RTF2: variants seen among roughly 807,000 people sequenced by gnomAD.
RTF2 encodes replication termination factor 2.
A neutral mutation model predicts 38.0 loss-of-function variants in RTF2; 18 were observed. That is an observed-to-expected ratio of 0.47 (90% confidence interval 0.33 to 0.70). RTF2 has a LOEUF of 0.70. RTF2 is among the 30% of genes least tolerant of loss of function. The probability of loss-of-function intolerance (pLI) is 0.02; values close to 1 mark genes in which losing one functional copy is unlikely to be tolerated. For synonymous variants in RTF2, 126 were observed against 137.1 expected, an observed-to-expected ratio of 0.92 and a Z score of 0.57; for missense variants, 311 against 379.6, an observed-to-expected ratio of 0.82 and a Z score of 1.50.
intron 1 of RTF2, chr20:56,470,836 C>T (rs1981923463): frequency 8.4e-6 from 3 of 357,370 alleles, no homozygotes; most frequent in Non-Finnish European, 1.7e-5. Context: ...GGAGAGTTAC[C>T]CCAACTCCAT....
In RTF2 at chr20:56,477,175, C is replaced by G. The variant is rs535475757; in HGVS notation, c.398+51C>G. The G allele has an allele frequency of 2.5e-6, 4 of 1,598,578 alleles. No individual in the cohort carries two copies. In the African/African-American group the frequency reaches 4.1e-5, roughly 16 times the overall value. ...ATGTGGGAGGCTGGAGGAATACTGCCGGTTTTGGTGGCAGTGGTGCCGGAG... is the reference window on the plus strand; with the variant it reads ...ATGTGGGAGGCTGGAGGAATACTGCGGGTTTTGGTGGCAGTGGTGCCGGAG... On this transcript the variant is annotated intron_variant, in intron 4 of 8. Transcript: ENST00000357348.
intron 5 of RTF2, chr20:56,496,863 A>C (rs1834567163): frequency 6.4e-7 from 1 of 1,551,718 alleles, no homozygotes; most frequent in African/African-American, 1.4e-5. Flanking sequence ...AACGAATTCG[A>C]GATGACTTTG....
chr20:56,469,731 G>T (rs1236086229), intron 1 of RTF2, among the ~76,000 whole-genome samples: 3 of 152,158 alleles, frequency 2.0e-5, no homozygotes, highest in African/African-American at 7.2e-5. Context: ...ATCACATTAA[G>T]AATAAAATCT....
At chr20:56,506,921 C>T (rs1355197651) in intron 5 of RTF2, among the ~76,000 whole-genome samples, 1 of 152,082 alleles carries the variant, frequency 6.6e-6, no homozygotes, top group Non-Finnish European at 1.5e-5. Context: ...AGGATGGTCT[C>T]GATCTCTTGA....
chr20:56,514,188 A>G (rs922036720), intron 6 of RTF2: 2 of 152,218 alleles, frequency 1.3e-5, no homozygotes, highest in Admixed American at 6.5e-5. Flanking sequence ...CAGGGAAAGC[A>G]TTGCTGAGTA....
chr20:56,494,393 T>C (rs961669301), intron 5 of RTF2, among the ~76,000 whole-genome samples: 6 of 152,192 alleles, frequency 3.9e-5, no homozygotes, highest in Non-Finnish European at 7.4e-5. Context: ...TATGACTTCT[T>C]ATACCATGTG....
chr20:56,516,783 G>A (rs942901234), intron 6 of RTF2, 152 bp from the exon 7 acceptor site: 9 of 712,620 alleles, frequency 1.3e-5, no homozygotes, highest in East Asian at 2.5e-5. Context: ...TAGGAGTTAC[G>A]GAACATCAAA....
At chr20:56,502,373 ATTC>A (rs920813289) in intron 5 of RTF2, among the ~76,000 whole-genome samples, 1 of 152,086 alleles carries the variant, frequency 6.6e-6, no homozygotes, top group African/African-American at 2.4e-5. Flanking sequence ...TTTTCTTGTA[ATTC>A]TTCTACAGTC....
chr20:56,516,716 C>T, intron 6 of RTF2: 1 of 595,040 alleles, frequency 1.7e-6, no homozygotes, highest in South Asian at 2.1e-5. Context: ...TGTGCAGATA[C>T]ATTTTTGTGT....
At position 56,517,171 on chromosome 20, in the gene RTF2, A is replaced by G. The variant is rs1471555429; in HGVS notation, c.712A>G (p.Lys238Glu). The change falls in exon 8 of 9, where the codon AAG (lysine) becomes GAG (glutamate). Residue 238 changes from lysine to glutamate, a missense_variant. Lys to Glu is a moderately conservative substitution (Grantham distance 56). Transcript: ENST00000357348. ...AGAAGCCAGCCTTGATTCTAGAGAG[A>G]AGAAAACCAACTTGGCTCCCAAAAG... ...PEEASLDSRE[K>E]KTNLAPKSTA... 6.2e-7 allele frequency: 1 copy of G among 1,614,136 alleles called. No homozygotes were observed. The highest frequency in any genetic ancestry group is 8.5e-7 in the Non-Finnish European group (1 of 1,180,030).
intron 2 of RTF2, among the ~76,000 whole-genome samples, chr20:56,473,884 CAG>C (rs1021495586): frequency 3.3e-5 from 5 of 152,066 alleles, no homozygotes; most frequent in African/African-American, 9.7e-5. Flanking sequence ...ATAGCAAACT[CAG>C]GGGCCAATAG....
intron 1 of RTF2, among the ~76,000 whole-genome samples, chr20:56,471,167 G>A (rs1981939746): frequency 6.6e-6 from 1 of 152,200 alleles, no homozygotes; most frequent in African/African-American, 2.4e-5. Context: ...GAGTTTAATT[G>A]TAAGACACCT....
At chr20:56,485,180 C>T (rs1439869757) in intron 5 of RTF2, among the ~76,000 whole-genome samples, 1 of 151,990 alleles carries the variant, frequency 6.6e-6, no homozygotes, top group East Asian at 1.9e-4. Flanking sequence ...GAGAGGCTGG[C>T]GTAGTGGTGG....
rs117445778 is a variant in RTF2, at chr20:56,472,183, T to C, written c.70-1118T>C. ...CTGCAGTGAGCTGTGATTGTGCCACTGCAGCCCAGTCTGGGCAACAGAGCA... is the reference window on the plus strand; with the variant it reads ...CTGCAGTGAGCTGTGATTGTGCCACCGCAGCCCAGTCTGGGCAACAGAGCA... On this transcript the variant is annotated intron_variant, in intron 1 of 8. Coordinates refer to ENST00000357348, the MANE Select transcript of RTF2 (RefSeq NM_016407.5). The C allele has an allele frequency of 3.2e-3, 1,784 of 553,882 alleles. 18 individuals are homozygous for C. The highest frequency in any genetic ancestry group is 0.031 in the East Asian group (988 of 32,308). 34.3% of individuals were successfully genotyped at this position (553,882 alleles called of 1,614,324 possible).
chr20:56,480,954 C>G (rs1053105062), intron 4 of RTF2, among the ~76,000 whole-genome samples: 11 of 152,288 alleles, frequency 7.2e-5, no homozygotes, highest in Non-Finnish European at 8.8e-5. Context: ...TTGAGAATTA[C>G]CAAAATGTGA....
At chr20:56,497,197 A>G (rs1383013279) in intron 5 of RTF2, 1 of 1,551,594 alleles carries the variant, frequency 6.4e-7, no homozygotes, top group African/African-American at 1.4e-5. Flanking sequence ...TGAATACAAT[A>G]AACATTTTGA....
At chr20:56,512,606 G>A (rs1202250761) in intron 5 of RTF2, among the ~76,000 whole-genome samples, 1 of 152,132 alleles carries the variant, frequency 6.6e-6, no homozygotes, top group Admixed American at 6.5e-5. Context: ...GTCTTGTTCT[G>A]CCGGGGTGTG....
At chr20:56,507,089 G>A (rs941306518) in intron 5 of RTF2, among the ~76,000 whole-genome samples, 3 of 152,206 alleles carry the variant, frequency 2.0e-5, no homozygotes, top group Non-Finnish European at 2.9e-5. Flanking sequence ...TTAAATGGAT[G>A]TATAATTTCT....
chr20:56,487,165 A>G (rs548674182), intron 5 of RTF2, among the ~76,000 whole-genome samples: 5 of 152,322 alleles, frequency 3.3e-5, no homozygotes, highest in Admixed American at 1.3e-4. Context: ...GCCTAAAACA[A>G]TCATACTAAT....
Sources: gnomAD v4.1 joint callset for allele counts (sites outside exome capture counted in the v4.1 genomes callset) on GRCh38, gnomAD v4.1.1 for gene constraint, MANE v1.5 for transcripts, NCBI Gene and HGNC (gene_info 2026-07-23, HGNC 2026-07-21) for gene names.